NCOR2: variants seen among roughly 807,000 people sequenced by gnomAD.
NCOR2 encodes the protein nuclear receptor corepressor 2.
In NCOR2, 81 loss-of-function variants were observed where a neutral mutation model predicts 262.9. The ratio of observed to expected loss-of-function variants is 0.31; its 90% CI spans 0.26 to 0.37. The LOEUF (loss-of-function observed/expected upper bound fraction) is 0.37, where lower values mean the gene tolerates loss of function less well. Ranked by LOEUF, NCOR2 falls within the 10% of genes least tolerant of loss-of-function variation. The pLI is 1.00. For synonymous variants in NCOR2, 1,659 were observed against 1,559.3 expected (o/e 1.06, Z -1.51); for missense variants, 3,385 against 3,621.4 (o/e 0.93, Z 1.68).
In NCOR2 at chr12:124,335,479, G is replaced by C. The variant is rs771900985; in HGVS notation, c.6265+4C>G. 1.3e-5 allele frequency: 21 copies of C among 1,603,676 alleles called. No homozygotes were observed. The highest frequency in any genetic ancestry group is 1.5e-5 in the Non-Finnish European group (18 of 1,178,596). On this transcript the variant is annotated splice_donor_region_variant and intron_variant, in intron 39 of 46. Coordinates refer to ENST00000405201, the Ensembl canonical transcript of NCOR2. ...CGGGGGCCTGGGTACTGGGTGGGGC[G>C]TACCTGGCTGCTTGGGCCGCAGCTC...
chr12:124,471,029 C>T (rs957212948), intron 4 of NCOR2, among the ~76,000 whole-genome samples: 15 of 152,230 alleles, frequency 9.9e-5, no homozygotes, highest in African/African-American at 2.2e-4. Context: ...CGCTGGGGCC[C>T]GGCCCCTCTC....
chr12:124,428,796 A>G (rs1375842977), intron 10 of NCOR2, among the ~76,000 whole-genome samples: 3 of 152,244 alleles, frequency 2.0e-5, no homozygotes, highest in Non-Finnish European at 4.4e-5. Context: ...CTAAAGGGCT[A>G]TAATCTCCCA....
rs1465740220 is a variant in NCOR2, at chr12:124,372,296, G to C, written c.2533C>G (p.Pro845Ala). 5.2e-6 allele frequency: 8 copies of C among 1,537,286 alleles called. No individual in the cohort carries two copies. In the African/African-American group the frequency reaches 6.9e-5, roughly 13 times the overall value. Residue 845 changes from proline to alanine, a missense_variant, in exon 20 of 47, where the codon CCC becomes GCC. This residue lies in a region of NCOR2 where 1,615 missense variants were observed against 1,626.9 expected (regional missense o/e 0.99). Coordinates refer to ENST00000405201, the Ensembl canonical transcript of NCOR2. ...ACTGCCAGCTCCTCAGCCGCGGGGG[G>C]CTTCTGCTCCTCCCCCTCCTCCACT...
chr12:124,444,507 T>A (rs1037556132), intron 7 of NCOR2, among the ~76,000 whole-genome samples: 14 of 151,978 alleles, frequency 9.2e-5, no homozygotes, highest in African/African-American at 3.4e-4. Context: ...TTGGGGGCAA[T>A]CAGGGGAGGC....
chr12:124,398,028 G>C, intron 16 of NCOR2, 91 bp downstream of exon 18: 6 of 1,497,630 alleles, frequency 4.0e-6, no homozygotes, highest in Non-Finnish European at 5.6e-6. Flanking sequence ...CCTGGCTCAA[G>C]GCCAAATGTG....
upstream of NCOR2, among the ~76,000 whole-genome samples, chr12:124,499,977 A>C (rs1242998): frequency 0.96 from 145,359 of 152,144 alleles, 69,473 homozygotes; most frequent in East Asian, 1. Context: ...CTGCAGGCCG[A>C]GGAAACAGCT....
chr12:124,545,466 C>G (rs1432835860), intron 1 of NCOR2, among the ~76,000 whole-genome samples: 1 of 152,190 alleles, frequency 6.6e-6, no homozygotes, highest in Non-Finnish European at 1.5e-5. Context: ...GCTTTCAGCC[C>G]CTGGTGTCCA....
chr12:124,566,824 G>A lies in NCOR2; in HGVS notation c.-165+484C>T, dbSNP rs1206648139. Reference sequence around the variant, plus strand: ...AGGCTGGCTCTCCCCCTCGGCTGGTGAGAGACCCTCATGCGCCCCTCCACA... The same window carrying A: ...AGGCTGGCTCTCCCCCTCGGCTGGTAAGAGACCCTCATGCGCCCCTCCACA... On this transcript the variant is annotated intron_variant, in intron 1 of 32. Coordinates refer to the NCOR2 transcript ENST00000458234. This position sits in a 1 kb window ranked among gnomAD's most constrained non-coding sequence, Gnocchi z 4.3. 1.3e-5 allele frequency among the ~76,000 whole-genome samples: 2 copies of A among 152,184 alleles called. No individual in the cohort carries two copies. The highest frequency in any genetic ancestry group is 2.9e-5 in the Non-Finnish European group (2 of 68,008).
intron 3 of NCOR2, among the ~76,000 whole-genome samples, chr12:124,477,714 A>C (rs1313043517): frequency 2.0e-5 from 3 of 152,304 alleles, no homozygotes; most frequent in African/African-American, 7.2e-5. Context: ...GGGCTGAGGG[A>C]GCCTGGCGGT....
intron 15 of NCOR2, among the ~76,000 whole-genome samples, chr12:124,399,621 GAGA>G (rs1434288489): frequency 6.6e-5 from 10 of 152,246 alleles, no homozygotes; most frequent in Middle Eastern, 3.4e-3. Flanking sequence ...TACATCCCAC[GAGA>G]AGAAGAGACA....
chr12:124,532,390 T>C (rs527426285), intron 1 of NCOR2, among the ~76,000 whole-genome samples: 1 of 152,310 alleles, frequency 6.6e-6, no homozygotes, highest in East Asian at 1.9e-4. Flanking sequence ...AGCATCTGCC[T>C]GCCTCAATGT....
At chr12:124,415,964 G>A (rs2042836916) in intron 13 of NCOR2, among the ~76,000 whole-genome samples, 1 of 152,056 alleles carries the variant, frequency 6.6e-6, no homozygotes, top group Non-Finnish European at 1.5e-5. Context: ...CATATACAGT[G>A]TTGAGCTGTT....
At chr12:124,359,141 C>G (rs180671680) in intron 22 of NCOR2, among the ~76,000 whole-genome samples, 76 of 152,356 alleles carry the variant, frequency 5.0e-4, no homozygotes, top group Admixed American at 1.6e-3. Context: ...CTGCTGGCCT[C>G]TCGCCCTTTG....
chr12:124,333,300 A>T (rs146375095), intron 41 of NCOR2, 21 bp from the exon 44 acceptor site: 18 of 1,578,390 alleles, frequency 1.1e-5, no homozygotes, highest in Non-Finnish European at 4.3e-6. Context: ...AAAGGGCCCC[A>T]GATGTGGTCA....
At chr12:124,402,538 C>CTGCTGCTGCTGCTGT (rs1565911325) in exon 14 of NCOR2, 1 of 1,571,080 alleles carries the variant, frequency 6.4e-7, no homozygotes, top group Non-Finnish European at 8.6e-7. Context: ...GCTGCTGCTG[C>CTGCTGCTGCTGCTGT]TGCTGCTGCT....
chr12:124,339,892 T>TTCCCCCCC, intron 37 of NCOR2, 114 bp downstream of exon 39: 3 of 672,806 alleles, frequency 4.5e-6, no homozygotes, highest in Non-Finnish European at 4.9e-6. Flanking sequence ...CCCACACATC[T>TTCCCCCCC]GCCCACCCAC....
At chr12:124,414,691 G>A (rs574676863) in intron 13 of NCOR2, among the ~76,000 whole-genome samples, 1 of 152,374 alleles carries the variant, frequency 6.6e-6, no homozygotes, top group South Asian at 2.1e-4. Context: ...CATCGGGGAA[G>A]AGGCAGACAG....
rs573440950 is a variant in NCOR2, at chr12:124,504,103, A to C, written c.-117-8735T>G. On this transcript the variant is annotated intron_variant, in intron 1 of 46. Transcript: ENST00000404621. This position sits in a 1 kb window ranked among gnomAD's most constrained non-coding sequence, Gnocchi z 4.5. ...TCTCCCGAGTCCCCCACCTGGCACC[A>C]CTTCTCCCTTTTCAGCATAAACCAG... Among the ~76,000 whole-genome samples, 1 of 152,166 alleles carries C rather than the reference A, an allele frequency of 6.6e-6. No homozygotes were observed. Among genetic ancestry groups the C allele is most frequent in the African/African-American group, 2.4e-5 (1 of 41,516 alleles).
At chr12:124,413,018 G>C (rs2042668584) in intron 13 of NCOR2, among the ~76,000 whole-genome samples, 1 of 152,216 alleles carries the variant, frequency 6.6e-6, no homozygotes, top group African/African-American at 2.4e-5. Context: ...CGCTGCCGGG[G>C]AAAGTGCACG....
Sources: allele counts gnomAD v4.1 joint callset (sites outside exome capture counted in the v4.1 genomes callset), GRCh38; gene constraint gnomAD v4.1.1; regional missense constraint gnomAD v4.1.1; non-coding constraint Gnocchi (gnomAD v3.1); transcripts MANE v1.5; gene names NCBI Gene and HGNC (gene_info 2026-07-23, HGNC 2026-07-21).